Variants in AGTPBP1 observed in about 807,000 individuals in gnomAD.
AGTPBP1 encodes ATP/GTP binding carboxypeptidase 1, also known as cytosolic carboxypeptidase 1.
In AGTPBP1, 70 loss-of-function variants were observed where a neutral mutation model predicts 143.9. The observed-to-expected ratio is 0.49, with a 90% CI of 0.40 to 0.59. The LOEUF (loss-of-function observed/expected upper bound fraction) is 0.59. AGTPBP1 is among the 20% of genes least tolerant of loss of function. The pLI is 0.00. For synonymous variants in AGTPBP1, 463 were observed against 500.2 expected, an observed-to-expected ratio of 0.93 and a Z score of 0.99; for missense variants, 1,229 against 1,464.5, an observed-to-expected ratio of 0.84 and a Z score of 2.62.
chr9:85,695,875 G>A (rs548686893), intron 2 of AGTPBP1, among the ~76,000 whole-genome samples: 54 of 150,058 alleles, frequency 3.6e-4, no homozygotes, highest in African/African-American at 1.1e-3. Flanking sequence ...AGAGTCTCGC[G>A]CTGTTGCCCA....
At chr9:85,627,467 T>C (rs931436521) in intron 14 of AGTPBP1, among the ~76,000 whole-genome samples, 16 of 152,156 alleles carry the variant, frequency 1.1e-4, no homozygotes, top group Non-Finnish European at 1.2e-4. Context: ...TTGAAGAGTT[T>C]CCTACCCATT....
At position 85,592,569 on chromosome 9, in the gene AGTPBP1, T is replaced by C. The variant is rs1185147093; in HGVS notation, c.2559A>G (p.Ser853=). The C allele has an allele frequency of 1.0e-5, 16 of 1,594,038 alleles. No individual in the cohort carries two copies. Among genetic ancestry groups the C allele is most frequent in the Non-Finnish European group, 1.3e-5 (15 of 1,173,254 alleles). ...YFAYHYPYTY[S]TLQMHLQKLE... ...AATTTAGAGTTCTTACCTGTAAAGT[T>C]GAATACGTATATGGATAGTGATAAG... The change falls in exon 19 of 26, where the codon TCA becomes TCG. Residue 853 remains serine (S), a synonymous_variant. Coordinates refer to ENST00000357081, the MANE Select transcript of AGTPBP1 (RefSeq NM_001330701.2).
intron 17 of AGTPBP1, among the ~76,000 whole-genome samples, chr9:85,604,931 C>T (rs942069075): frequency 4.0e-5 from 6 of 151,786 alleles, no homozygotes; most frequent in African/African-American, 1.2e-4. Flanking sequence ...TGAAAACACA[C>T]AGAGAAGACA....
rs765016050 is a variant in AGTPBP1 at position 85,588,438 on chromosome 9, A to G, written c.2763T>C (p.Pro921=). ...TAACCCAACTTGCATTAGTTTCTCC[A>G]GGATGTACCCGAGCAGACAAGAAAA... ...PYVFLSARVH[P]GETNASWVMK... Residue 921 remains proline (P), a synonymous_variant, in exon 21 of 26, where the codon CCT becomes CCC. Coordinates refer to ENST00000357081, the MANE Select transcript of AGTPBP1 (RefSeq NM_001330701.2). 6.2e-7 allele frequency: 1 copy of G among 1,612,976 alleles called. No homozygotes were observed. The highest frequency in any genetic ancestry group is 8.5e-7 in the Non-Finnish European group (1 of 1,179,444).
chr9:85,642,221 C>G (rs987423283), intron 13 of AGTPBP1, among the ~76,000 whole-genome samples: 3 of 152,116 alleles, frequency 2.0e-5, no homozygotes, highest in African/African-American at 4.8e-5. Flanking sequence ...CAGCTAATTG[C>G]CAACAATTCA....
chr9:85,624,930 A>G (rs1427401857), intron 14 of AGTPBP1, among the ~76,000 whole-genome samples: 2 of 152,214 alleles, frequency 1.3e-5, no homozygotes, highest in Non-Finnish European at 2.9e-5. Flanking sequence ...TTCATTTTAT[A>G]ATACATCTTA....
At chr9:85,648,053 G>A (rs1832924369) in intron 11 of AGTPBP1, among the ~76,000 whole-genome samples, 2 of 152,150 alleles carry the variant, frequency 1.3e-5, no homozygotes, top group South Asian at 2.1e-4. Flanking sequence ...TGTTGTAGCA[G>A]GATAGCACAG....
intron 7 of AGTPBP1, 115 bp from the exon 8 acceptor site, chr9:85,669,693 A>C (rs1255959045): frequency 1.6e-6 from 1 of 611,360 alleles, no homozygotes; most frequent in Non-Finnish European, 2.9e-6. Flanking sequence ...ATGTCAACTC[A>C]AGTCACCTTA....
intron 25 of AGTPBP1, among the ~76,000 whole-genome samples, chr9:85,556,178 T>C (rs1045160834): frequency 6.6e-6 from 1 of 151,548 alleles, no homozygotes; most frequent in African/African-American, 2.4e-5. Context: ...ATATATGGAG[T>C]TCAATTAAAA....
At chr9:85,574,231 G>A (rs1473041711) in intron 25 of AGTPBP1, among the ~76,000 whole-genome samples, 1 of 152,002 alleles carries the variant, frequency 6.6e-6, no homozygotes, top group Non-Finnish European at 1.5e-5. Context: ...TGGATTAAGG[G>A]CGGTGCAAGA....
the AGTPBP1 span, among the ~76,000 whole-genome samples, chr9:85,790,286 A>G: frequency 2.6e-5 from 4 of 152,206 alleles, no homozygotes; most frequent in African/African-American, 7.2e-5. Context: ...GCCTCTGCCC[A>G]ATAAGGAGAA....
intron 14 of AGTPBP1, among the ~76,000 whole-genome samples, chr9:85,629,405 C>T (rs748044054): frequency 6.6e-6 from 1 of 152,158 alleles, no homozygotes; most frequent in Non-Finnish European, 1.5e-5. Flanking sequence ...GGAGAAGAGT[C>T]ACAGTAACTC....
chr9:85,623,773 G>A (rs893501823), intron 14 of AGTPBP1, among the ~76,000 whole-genome samples: 2 of 150,982 alleles, frequency 1.3e-5, no homozygotes, highest in African/African-American at 4.9e-5. Context: ...AAAAAAAAAG[G>A]AGGGAAACAG....
At chr9:85,713,887 C>T (rs571035850) in intron 1 of AGTPBP1, among the ~76,000 whole-genome samples, 61 of 151,952 alleles carry the variant, frequency 4.0e-4, no homozygotes, top group Non-Finnish European at 7.2e-4. Context: ...ATCAAAGTAA[C>T]TTTTTTCTAT....
At chr9:85,783,002 A>G in the AGTPBP1 span, among the ~76,000 whole-genome samples, 1 of 152,184 alleles carries the variant, frequency 6.6e-6, no homozygotes, top group Admixed American at 6.5e-5. Context: ...GTCAAATTTG[A>G]GGTATCTGAT....
chr9:85,708,819 AGCCACCATGCCCG>A (rs1191851256), intron 2 of AGTPBP1, among the ~76,000 whole-genome samples: 1 of 152,248 alleles, frequency 6.6e-6, no homozygotes, highest in African/African-American at 2.4e-5. Context: ...TACAGGCGTG[AGCCACCATGCCCG>A]GCCAAGAATT....
chr9:85,681,202 C>T (rs372046748), intron 4 of AGTPBP1, 66 bp downstream of exon 4: 212 of 1,410,918 alleles, frequency 1.5e-4, no homozygotes, highest in Non-Finnish European at 1.8e-4. Context: ...CACACACATA[C>T]GCTTTTTCTT....
At chr9:85,563,554 A>G (rs77353834) in intron 25 of AGTPBP1, among the ~76,000 whole-genome samples, 1,796 of 152,332 alleles carry the variant, frequency 0.012, 37 homozygotes, top group African/African-American at 0.041. Context: ...AAGAGAAATT[A>G]AAGATGGAAT....
intron 14 of AGTPBP1, among the ~76,000 whole-genome samples, chr9:85,624,519 T>C (rs1653081870): frequency 6.6e-6 from 1 of 152,198 alleles, no homozygotes; most frequent in South Asian, 2.1e-4. Context: ...GCCTAAAATG[T>C]CTTTAATAAA....
Sources: gnomAD v4.1 joint callset for allele counts (sites outside exome capture counted in the v4.1 genomes callset) on GRCh38, gnomAD v4.1.1 for gene constraint, MANE v1.5 for transcripts, NCBI Gene and HGNC (gene_info 2026-07-23, HGNC 2026-07-21) for gene names.